TTC28: variants seen among roughly 807,000 people sequenced by gnomAD.
The protein encoded by TTC28 is tetratricopeptide repeat protein 28.
A neutral mutation model predicts 198.0 loss-of-function variants in TTC28; 61 were observed. The ratio of observed to expected loss-of-function variants is 0.31; its 90% CI spans 0.25 to 0.38. The LOEUF (loss-of-function observed/expected upper bound fraction) is 0.38, where lower values mean the gene tolerates loss of function less well. Among genes scored for constraint, TTC28 ranks in the 10% least tolerant of loss-of-function variants. The pLI, the probability that TTC28 is intolerant of heterozygous loss-of-function variation, is 1.00. For missense variants in TTC28, 2,678 were observed against 3,164.0 expected (o/e 0.85, Z 3.69); for synonymous variants, 1,171 against 1,297.8 (o/e 0.90, Z 2.10).
intron 2 of TTC28, among the ~76,000 whole-genome samples, chr22:28,572,569 A>G (rs1295977077): frequency 6.6e-6 from 1 of 152,198 alleles, no homozygotes; most frequent in Non-Finnish European, 1.5e-5. Context: ...CAATTTATTA[A>G]AAAATTTTGA....
At chr22:28,185,955 C>A (rs1053356182) in intron 5 of TTC28, among the ~76,000 whole-genome samples, 1 of 152,040 alleles carries the variant, frequency 6.6e-6, no homozygotes, top group African/African-American at 2.4e-5. Flanking sequence ...AGAAATCCCA[C>A]AAGAAAAACA....
intron 5 of TTC28, among the ~76,000 whole-genome samples, chr22:28,218,598 C>G (rs1340568367): frequency 6.6e-6 from 1 of 152,056 alleles, no homozygotes; most frequent in African/African-American, 2.4e-5. Flanking sequence ...AAAAAATACC[C>G]ACTCAGTTCA....
At chr22:28,067,730 TCTATTTGGGTA>T (rs750398950) in intron 12 of TTC28, among the ~76,000 whole-genome samples, 3 of 152,186 alleles carry the variant, frequency 2.0e-5, no homozygotes, top group Non-Finnish European at 2.9e-5. Flanking sequence ...GACTTCAAAT[TCTATTTGGGTA>T]CAAGGCTAAC....
intron 2 of TTC28, among the ~76,000 whole-genome samples, chr22:28,514,920 T>A (rs1322591552): frequency 6.6e-6 from 1 of 152,204 alleles, no homozygotes; most frequent in Non-Finnish European, 1.5e-5. Flanking sequence ...TATCCCCTAA[T>A]AAATAAAAAT....
chr22:28,179,465 C>T (rs889382379), intron 5 of TTC28, among the ~76,000 whole-genome samples: 7 of 152,014 alleles, frequency 4.6e-5, no homozygotes, highest in Non-Finnish European at 8.8e-5. Context: ...TGGCCTAGGG[C>T]GGTTTTTAAG....
chr22:28,444,162 T>G (rs2047668692), intron 2 of TTC28, among the ~76,000 whole-genome samples: 1 of 152,204 alleles, frequency 6.6e-6, no homozygotes, highest in African/African-American at 2.4e-5. Context: ...ATTCTACTAT[T>G]TATCATCCAA....
intron 6 of TTC28, among the ~76,000 whole-genome samples, chr22:28,141,088 A>C (rs143898095): frequency 6.6e-6 from 1 of 152,248 alleles, no homozygotes; most frequent in Non-Finnish European, 1.5e-5. Flanking sequence ...AGTAAATTAC[A>C]ATGCCAGAAT....
intron 2 of TTC28, 140 bp downstream of exon 2, chr22:28,629,412 G>A: frequency 1.2e-6 from 1 of 824,368 alleles, no homozygotes; most frequent in Non-Finnish European, 1.8e-6. Context: ...ACCAGCTCAA[G>A]GAAGTCATTT....
At chr22:28,335,183 C>T (rs1246578088) in intron 2 of TTC28, among the ~76,000 whole-genome samples, 1 of 152,138 alleles carries the variant, frequency 6.6e-6, no homozygotes, top group Non-Finnish European at 1.5e-5. Flanking sequence ...GGCATTATTT[C>T]TGAGGGCTCT....
At chr22:28,524,390 G>A (rs1424390105) in intron 2 of TTC28, among the ~76,000 whole-genome samples, 1 of 151,260 alleles carries the variant, frequency 6.6e-6, no homozygotes, top group African/African-American at 2.4e-5. Flanking sequence ...AACCCAGGAG[G>A]CGGAGCTTGC....
At chr22:28,054,304 T>C (rs1318156898) in intron 12 of TTC28, among the ~76,000 whole-genome samples, 4 of 152,124 alleles carry the variant, frequency 2.6e-5, no homozygotes, top group Non-Finnish European at 5.9e-5. Flanking sequence ...TTTGAAGACA[T>C]GGAAATATCA....
At chr22:28,357,443 G>A (rs1279298700) in intron 2 of TTC28, among the ~76,000 whole-genome samples, 1 of 147,462 alleles carries the variant, frequency 6.8e-6, no homozygotes, top group East Asian at 2.0e-4. Context: ...AGCCACCCAA[G>A]TAGCTAGGAC....
intron 5 of TTC28, among the ~76,000 whole-genome samples, chr22:28,222,004 C>T (rs892603876): frequency 3.9e-5 from 6 of 152,188 alleles, no homozygotes; most frequent in Admixed American, 2.0e-4. Flanking sequence ...AGTTAAATAA[C>T]GCTTTACTGA....
At chr22:28,034,773 G>T (rs993538382) in intron 12 of TTC28, among the ~76,000 whole-genome samples, 1 of 152,206 alleles carries the variant, frequency 6.6e-6, no homozygotes, top group Non-Finnish European at 1.5e-5. Flanking sequence ...GCTGGAGAGA[G>T]GGAGCAGTCC....
chr22:28,599,363 T>G (rs1426323624), intron 2 of TTC28, among the ~76,000 whole-genome samples: 5 of 152,186 alleles, frequency 3.3e-5, no homozygotes, highest in African/African-American at 1.2e-4. Context: ...TTTTAATCCC[T>G]CCCCCATCTG....
chr22:28,171,885 G>A (rs527679530), intron 5 of TTC28, among the ~76,000 whole-genome samples: 1 of 152,130 alleles, frequency 6.6e-6, no homozygotes, highest in Non-Finnish European at 1.5e-5. Context: ...CCTACTTTGT[G>A]AGCCTCTTTG....
intron 5 of TTC28, among the ~76,000 whole-genome samples, chr22:28,202,072 G>A (rs1272727142): frequency 2.0e-5 from 3 of 152,070 alleles, no homozygotes; most frequent in African/African-American, 7.2e-5. Context: ...AGCAGCAGAG[G>A]CTCAGAGAGG....
chr22:28,334,390 C>T (rs570533030), intron 2 of TTC28, among the ~76,000 whole-genome samples: 108 of 152,100 alleles, frequency 7.1e-4, no homozygotes, highest in Admixed American at 2.4e-3. Flanking sequence ...CTGGGTCAAA[C>T]GGTATTTCTA....
chr22:28,191,562 G>A (rs577429994), intron 5 of TTC28, among the ~76,000 whole-genome samples: 10 of 152,296 alleles, frequency 6.6e-5, no homozygotes, highest in South Asian at 2.1e-4. Context: ...GTAACAGATG[G>A]CACCTGGAAA....
Sources: gnomAD v4.1 joint callset for allele counts (sites outside exome capture counted in the v4.1 genomes callset) on GRCh38, gnomAD v4.1.1 for gene constraint, MANE v1.5 for transcripts, NCBI Gene and HGNC (gene_info 2026-07-23, HGNC 2026-07-21) for gene names.